The following NXN variants were observed in gnomAD, a reference collection of about 807,000 sequenced individuals.
NXN encodes nucleoredoxin.
In NXN, 16 loss-of-function variants were observed where a neutral mutation model predicts 48.6. The ratio of observed to expected loss-of-function variants is 0.33; its 90% confidence interval spans 0.22 to 0.50. The LOEUF (loss-of-function observed/expected upper bound fraction) is 0.50. Ranked by LOEUF, NXN falls within the 20% of genes least tolerant of loss-of-function variation. The probability of loss-of-function intolerance (pLI) is 0.98; values close to 1 mark genes in which losing one functional copy is unlikely to be tolerated. For missense variants in NXN, 492 were observed against 605.5 expected, an observed-to-expected ratio of 0.81 and a Z score of 1.97; for synonymous variants, 281 against 269.6, an observed-to-expected ratio of 1.04 and a Z score of -0.41.
intron 5 of NXN, among the ~76,000 whole-genome samples, chr17:812,782 A>ATG (rs756561671): frequency 1.7e-5 from 2 of 120,416 alleles, no homozygotes; most frequent in Non-Finnish European, 3.7e-5. Flanking sequence ...AGGTGTGTGC[A>ATG]TGTGTGTAGG....
Position 978,591 on chromosome 17 carries a change from G to C in NXN, c.360+728C>G, listed in dbSNP as rs1208965202. The C allele has an allele frequency of 6.6e-6, 1 of 152,406 alleles. No homozygotes were observed. The highest frequency in any genetic ancestry group is 6.5e-5 in the Admixed American group (1 of 15,286). 9.4% of individuals were successfully genotyped at this position (152,406 alleles called of 1,614,324 possible). On this transcript the variant is annotated intron_variant, in intron 1 of 7. Transcript: ENST00000336868. This position sits in a 1 kb window ranked among gnomAD's most constrained non-coding sequence, Gnocchi z 4.1. ...AGGCGTCTGGGGAGGAGGCTGGACG[G>C]CCAGACAATGCAAAGCTCCCCGGTG... is the stretch of plus-strand genomic sequence containing the variant.
chr17:810,302 T>TG (rs1334973415), intron 5 of NXN, among the ~76,000 whole-genome samples: 14 of 133,956 alleles, frequency 1.0e-4, no homozygotes, highest in African/African-American at 3.8e-4. Flanking sequence ...ACGTTACGAG[T>TG]CTGTGAGTGG....
chr17:805,878 A>G (rs62069995), intron 5 of NXN, among the ~76,000 whole-genome samples: 30,637 of 152,032 alleles, frequency 0.2, 3,267 homozygotes, highest in East Asian at 0.41. Flanking sequence ...GCACAGGGTC[A>G]TGGCGCATCG....
At chr17:954,649 G>A (rs757513842) in intron 1 of NXN, among the ~76,000 whole-genome samples, 4 of 152,180 alleles carry the variant, frequency 2.6e-5, no homozygotes, top group African/African-American at 7.2e-5. Context: ...TGCTCAGGTC[G>A]CAGCTGTCCC....
At chr17:808,366 G>C (rs1282275703) in intron 5 of NXN, among the ~76,000 whole-genome samples, 1 of 150,840 alleles carries the variant, frequency 6.6e-6, no homozygotes, top group East Asian at 1.9e-4. Flanking sequence ...GCAGTGGCGC[G>C]ATCTCGGCTC....
chr17:958,956 T>TACAC lies in NXN; in HGVS notation c.360+20359_360+20362dup, dbSNP rs147778678. On this transcript the variant is annotated intron_variant, in intron 1 of 7. Transcript: ENST00000336868. This position sits in a 1 kb window ranked among gnomAD's most constrained non-coding sequence, Gnocchi z 6.9. ...TAAAAAAGAAACACACACACACACA[T>TACAC]ACACACACACACACACGATACGAGT... 2.0e-3 allele frequency: 323 copies of TACAC among 165,312 alleles called. 1 individual carries two copies. The highest frequency in any genetic ancestry group is 6.9e-3 in the African/African-American group (279 of 40,624). The allele number at this position is 165,312 out of a possible 1,614,324, so 10.2% of individuals were successfully genotyped here. A position where few individuals can be genotyped will look rare whatever the true frequency, so the allele number is the denominator to read the frequency against.
At chr17:812,015 T>C (rs375895969) in intron 5 of NXN, among the ~76,000 whole-genome samples, 286 of 145,388 alleles carry the variant, frequency 2.0e-3, no homozygotes, top group Middle Eastern at 3.6e-3. Flanking sequence ...GCAAGCTCCG[T>C]CTCCCGGGTT....
intron 1 of NXN, among the ~76,000 whole-genome samples, chr17:953,370 G>A (rs754467376): frequency 5.3e-5 from 8 of 152,142 alleles, no homozygotes; most frequent in South Asian, 2.1e-4. Flanking sequence ...AGCTGAGATC[G>A]CGCCACTGCA....
intron 5 of NXN, among the ~76,000 whole-genome samples, chr17:806,091 AGAG>A (rs1278540076): frequency 6.8e-6 from 1 of 146,338 alleles, no homozygotes; most frequent in Non-Finnish European, 1.5e-5. Flanking sequence ...GGAGACTCGA[AGAG>A]GAGGACAGCT....
intron 1 of NXN, among the ~76,000 whole-genome samples, chr17:873,268 G>A (rs1050439484): frequency 2.0e-5 from 3 of 151,904 alleles, no homozygotes; most frequent in African/African-American, 4.8e-5. Flanking sequence ...AGGCCGAGGA[G>A]GGTGGATCAC....
chr17:843,837 G>A (rs1045696541), intron 1 of NXN, among the ~76,000 whole-genome samples: 4 of 152,078 alleles, frequency 2.6e-5, no homozygotes, highest in African/African-American at 9.7e-5. Context: ...ACACGGGTTC[G>A]ACCCAGAATG....
chr17:812,573 G>A, intron 5 of NXN, among the ~76,000 whole-genome samples: 1 of 152,058 alleles, frequency 6.6e-6, no homozygotes, highest in South Asian at 2.1e-4. Context: ...GTGTGAGTCT[G>A]TGTGTGCACG....
chr17:900,913 C>CTTTTTTT (rs11367844), intron 1 of NXN, among the ~76,000 whole-genome samples: 4 of 75,880 alleles, frequency 5.3e-5, no homozygotes, highest in Non-Finnish European at 7.4e-5. Flanking sequence ...GATCTGCATT[C>CTTTTTTT]TTTTTTTTTT....
At chr17:846,847 A>G (rs909213541) in intron 1 of NXN, among the ~76,000 whole-genome samples, 4 of 151,684 alleles carry the variant, frequency 2.6e-5, no homozygotes, top group African/African-American at 9.8e-5. Context: ...AGGGAAAAGG[A>G]GAAAAAAGGA....
intron 1 of NXN, among the ~76,000 whole-genome samples, chr17:903,881 C>A (rs1484424450): frequency 6.6e-6 from 1 of 152,128 alleles, no homozygotes; most frequent in Non-Finnish European, 1.5e-5. Context: ...CCCACTGGGG[C>A]GGCCCCCTCC....
intron 5 of NXN, among the ~76,000 whole-genome samples, chr17:811,533 G>T (rs974379795): frequency 3.3e-5 from 5 of 151,764 alleles, no homozygotes; most frequent in African/African-American, 1.2e-4. Context: ...CACTCTGGAA[G>T]CCAGTTATTC....
At position 849,640 on chromosome 17, in the gene NXN, T is replaced by C. The variant is rs1597661420; in HGVS notation, c.361-23562A>G. ...CCTCTTCCCTCCCTCCACGTCCTTG[T>C]CCTCTGGCGGCCAGCTGCCTCATCC... is the stretch of plus-strand genomic sequence containing the variant. On this transcript the variant is annotated intron_variant, in intron 1 of 7. Transcript: ENST00000336868. The surrounding 1 kb of genome is among the most constrained non-coding windows in gnomAD (Gnocchi z 4.2). Among the ~76,000 whole-genome samples the C allele has an allele frequency of 2.0e-5, 3 of 152,258 alleles. No individual in the cohort carries two copies. In the South Asian group the frequency reaches 6.2e-4, roughly 32 times the overall value.
At chr17:964,742 T>C (rs1410724636) in intron 1 of NXN, among the ~76,000 whole-genome samples, 1 of 152,176 alleles carries the variant, frequency 6.6e-6, no homozygotes, top group Non-Finnish European at 1.5e-5. Context: ...CAAAGTAAGG[T>C]AAAATTCATG....
intron 1 of NXN, among the ~76,000 whole-genome samples, chr17:907,003 T>C (rs1597230924): frequency 6.6e-6 from 1 of 152,232 alleles, no homozygotes; most frequent in East Asian, 1.9e-4. Context: ...CACCTGTCCT[T>C]CCTTCCCAGA....
Sources: gnomAD v4.1 joint callset for allele counts (sites outside exome capture counted in the v4.1 genomes callset) on GRCh38, gnomAD v4.1.1 for gene constraint, Gnocchi (gnomAD v3.1) non-coding constraint, MANE v1.5 for transcripts, NCBI Gene and HGNC (gene_info 2026-07-23, HGNC 2026-07-21) for gene names.